PCDHA1: variants seen among roughly 807,000 people sequenced by gnomAD.
PCDHA1 encodes protocadherin alpha-1.
Under a neutral mutation model 61.3 loss-of-function variants are expected in PCDHA1, and 42 were observed. The ratio of observed to expected loss-of-function variants is 0.69; its 90% confidence interval spans 0.54 to 0.89. PCDHA1 has a LOEUF of 0.89. Among genes scored for constraint, PCDHA1 ranks in the 40% least tolerant of loss-of-function variants. The probability of loss-of-function intolerance (pLI) is 0.00; values close to 1 mark genes in which losing one functional copy is unlikely to be tolerated. For synonymous variants in PCDHA1, 610 were observed against 553.8 expected (o/e 1.10, Z -1.43); for missense variants, 1,256 against 1,235.3 (o/e 1.02, Z -0.25).
chr5:140,994,460 T>C (rs1260062613), intron 3 of PCDHA1, among the ~76,000 whole-genome samples: 1 of 152,124 alleles, frequency 6.6e-6, no homozygotes, highest in African/African-American at 2.4e-5. Context: ...CCCAGCACTT[T>C]GGGAGGCTGA....
chr5:140,995,324 G>A (rs1290299693), intron 3 of PCDHA1, among the ~76,000 whole-genome samples: 1 of 152,190 alleles, frequency 6.6e-6, no homozygotes, highest in African/African-American at 2.4e-5. Context: ...GAACTAACAG[G>A]TGAGTAGTGT....
chr5:140,843,949 T>C, intron 1 of PCDHA1: 1 of 564,496 alleles, frequency 1.8e-6, no homozygotes, highest in Non-Finnish European at 3.1e-6. Context: ...ATGATATCCA[T>C]TTTTTACTGA....
chr5:140,822,964 G>A, intron 1 of PCDHA1: 3 of 1,614,232 alleles, frequency 1.9e-6, no homozygotes, highest in Non-Finnish European at 2.5e-6. Flanking sequence ...CTTCAAGCTG[G>A]TGTCCACCTT....
At chr5:140,952,746 T>C (rs1554220596) in intron 1 of PCDHA1, among the ~76,000 whole-genome samples, 1 of 152,190 alleles carries the variant, frequency 6.6e-6, no homozygotes, top group Non-Finnish European at 1.5e-5. Context: ...CACACTGCTA[T>C]AAAAACACCT....
Position 140,927,704 on chromosome 5 carries a change from C to T in PCDHA1, c.2395-51245C>T, listed in dbSNP as rs782172290. ...GGGTCCAATGGGGAAGTCCAGTACT[C>T]CCTAAGCAACAGCACGCAAGCAGAG... On this transcript the variant is annotated intron_variant, in intron 1 of 3. Coordinates refer to ENST00000504120, the MANE Select transcript of PCDHA1 (RefSeq NM_018900.4). 6.2e-6 allele frequency: 10 copies of T among 1,614,072 alleles called. No homozygotes were observed. In the Admixed American group the frequency reaches 1.2e-4, roughly 19 times the overall value.
At chr5:140,927,105 C>T in intron 1 of PCDHA1, 1 of 1,613,778 alleles carries the variant, frequency 6.2e-7, no homozygotes, top group Non-Finnish European at 8.5e-7. Flanking sequence ...TGGATCTACC[C>T]AGCGGCAATT....
chr5:140,818,258 C>CA (rs1399194930), intron 1 of PCDHA1, among the ~76,000 whole-genome samples: 2 of 152,096 alleles, frequency 1.3e-5, no homozygotes, highest in African/African-American at 2.4e-5. Context: ...GTTTTTAAAT[C>CA]ACTTTTTCTC....
chr5:140,824,647 TA>T (rs1316143665), intron 1 of PCDHA1: 2 of 129,788 alleles, frequency 1.5e-5, no homozygotes, highest in East Asian at 4.6e-4. Context: ...TCTGTAGAGA[TA>T]GGGGTCTTGC....
intron 1 of PCDHA1, chr5:140,796,803 G>T (rs138489550): frequency 7.2e-5 from 117 of 1,614,012 alleles, no homozygotes; most frequent in Non-Finnish European, 3.8e-5. Flanking sequence ...AGCTTCAGCT[G>T]GGTACTGGCA....
At chr5:141,000,421 A>ATTTTTTTTT (rs34755515) in intron 3 of PCDHA1, among the ~76,000 whole-genome samples, 3 of 27,980 alleles carry the variant, frequency 1.1e-4, no homozygotes, top group African/African-American at 1.8e-4. Flanking sequence ...ATATATATAT[A>ATTTTTTTTT]TTTTTTTTTT....
At chr5:140,837,754 G>A (rs2150279444) in intron 1 of PCDHA1, among the ~76,000 whole-genome samples, 1 of 151,678 alleles carries the variant, frequency 6.6e-6, no homozygotes, top group Middle Eastern at 3.4e-3. Context: ...ATAGCCCACT[G>A]CAACCTGAAA....
chr5:140,802,980 C>G, intron 1 of PCDHA1: 1 of 1,613,998 alleles, frequency 6.2e-7, no homozygotes, highest in Non-Finnish European at 8.5e-7. Flanking sequence ...AGCGAAGGTG[C>G]GCGCAGTGGA....
At chr5:140,873,477 G>T (rs1351179000) in intron 1 of PCDHA1, among the ~76,000 whole-genome samples, 1 of 151,984 alleles carries the variant, frequency 6.6e-6, no homozygotes, top group Non-Finnish European at 1.5e-5. Flanking sequence ...AAATTACTTG[G>T]ACTGATTTCT....
At chr5:140,828,739 T>C in intron 1 of PCDHA1, 2 of 1,614,220 alleles carry the variant, frequency 1.2e-6, no homozygotes, top group Non-Finnish European at 1.7e-6. Context: ...CAGCCACAGA[T>C]GGGGGCAAAC....
chr5:140,884,273 C>T (rs1554181411), intron 1 of PCDHA1: 2 of 1,613,468 alleles, frequency 1.2e-6, no homozygotes, highest in Admixed American at 3.3e-5. Context: ...GCTGTTGTCG[C>T]TGGTGGAGAG....
At chr5:140,802,467 G>A (rs1279226863) in intron 1 of PCDHA1, 2 of 1,614,106 alleles carry the variant, frequency 1.2e-6, no homozygotes, top group Non-Finnish European at 1.7e-6. Context: ...CTATGAGCTG[G>A]TGGTGACTGC....
intron 1 of PCDHA1, chr5:140,830,314 C>T: frequency 6.2e-7 from 1 of 1,613,988 alleles, no homozygotes; most frequent in South Asian, 1.1e-5. Flanking sequence ...CGCTGGTGTG[C>T]TCCAGCGCAG....
intron 1 of PCDHA1, among the ~76,000 whole-genome samples, chr5:140,940,295 G>A (rs1363509137): frequency 5.3e-5 from 8 of 152,110 alleles, no homozygotes; most frequent in Non-Finnish European, 1.0e-4. Flanking sequence ...TGCTTCATCA[G>A]TAATTTATTA....
intron 1 of PCDHA1, chr5:140,857,210 C>T (rs2044424463): frequency 1.3e-6 from 2 of 1,598,628 alleles, no homozygotes; most frequent in East Asian, 4.5e-5. Flanking sequence ...CACCTGCTCT[C>T]TGACGCCTCA....
Sources: gnomAD v4.1 joint callset for allele counts (sites outside exome capture counted in the v4.1 genomes callset) on GRCh38, gnomAD v4.1.1 for gene constraint, MANE v1.5 for transcripts, NCBI Gene and HGNC (gene_info 2026-07-23, HGNC 2026-07-21) for gene names.